The following RALGAPB variants were observed in gnomAD, a reference collection of about 807,000 sequenced individuals.
RALGAPB encodes Ral GTPase activating protein non-catalytic subunit beta, also known as ral GTPase-activating protein subunit beta.
A neutral mutation model predicts 161.1 loss-of-function variants in RALGAPB; 25 were observed. The ratio of observed to expected loss-of-function variants is 0.16; its 90% CI spans 0.11 to 0.22. The LOEUF (loss-of-function observed/expected upper bound fraction) is 0.22, where lower values mean the gene tolerates loss of function less well. Among genes scored for constraint, RALGAPB ranks in the 10% least tolerant of loss-of-function variants. The pLI is 1.00. For synonymous variants in RALGAPB, 629 were observed against 626.1 expected, an observed-to-expected ratio of 1.00 and a Z score of -0.07; for missense variants, 1,391 against 1,815.2, an observed-to-expected ratio of 0.77 and a Z score of 4.25.
chr20:38,510,110 A>G (rs1301308892), intron 6 of RALGAPB, among the ~76,000 whole-genome samples: 1 of 144,688 alleles, frequency 6.9e-6, no homozygotes, highest in Non-Finnish European at 1.5e-5. Flanking sequence ...CTTTATATGT[A>G]TATAAACACA....
At chr20:38,492,590 A>C in intron 2 of RALGAPB, among the ~76,000 whole-genome samples, 1 of 152,182 alleles carries the variant, frequency 6.6e-6, no homozygotes, top group Non-Finnish European at 1.5e-5. Flanking sequence ...AAAACTCTAA[A>C]ATGTTCTATT....
At chr20:38,562,863 G>T (rs766377210) in intron 24 of RALGAPB, among the ~76,000 whole-genome samples, 166 bp downstream of exon 24, 9 of 152,146 alleles carry the variant, frequency 5.9e-5, no homozygotes, top group Non-Finnish European at 1.0e-4. Flanking sequence ...ATCGACTGAG[G>T]CTAGGAGTTC....
At chr20:38,499,375 C>T in intron 4 of RALGAPB, 72 bp from the exon 5 acceptor site, 1 of 1,327,834 alleles carries the variant, frequency 7.5e-7, no homozygotes, top group African/African-American at 1.5e-5. Context: ...ACCAGTTCTC[C>T]CAAATCAGTG....
At chr20:38,534,046 G>C (rs2086732177) in intron 15 of RALGAPB, among the ~76,000 whole-genome samples, 2 of 151,124 alleles carry the variant, frequency 1.3e-5, no homozygotes, top group South Asian at 2.1e-4. Flanking sequence ...GGCCAAGGTA[G>C]GAGACTCTCT....
intron 10 of RALGAPB, 111 bp from the exon 11 acceptor site, chr20:38,524,667 G>A (rs2086404255): frequency 3.8e-6 from 3 of 792,502 alleles, no homozygotes; most frequent in African/African-American, 1.7e-5. Context: ...TTCTTTAAAG[G>A]GTAAAAATAG....
chr20:38,511,898 C>A (rs933265128), intron 6 of RALGAPB, among the ~76,000 whole-genome samples: 2 of 151,918 alleles, frequency 1.3e-5, no homozygotes, highest in Non-Finnish European at 2.9e-5. Context: ...ACTTCCCAGA[C>A]GGGGCGGCCG....
intron 22 of RALGAPB, among the ~76,000 whole-genome samples, chr20:38,557,104 C>T (rs933344141): frequency 3.9e-5 from 6 of 152,120 alleles, no homozygotes; most frequent in African/African-American, 1.4e-4. Flanking sequence ...GAAAGATATA[C>T]TATGGTTAGC....
chr20:38,558,115 A>G (rs1476205876), intron 22 of RALGAPB, among the ~76,000 whole-genome samples, 180 bp from the exon 23 acceptor site: 2 of 152,252 alleles, frequency 1.3e-5, no homozygotes, highest in Non-Finnish European at 2.9e-5. Context: ...GAGGCAAATA[A>G]AAGAACTAAA....
chr20:38,525,033 TC>T, intron 11 of RALGAPB, 88 bp downstream of exon 11: 1 of 1,298,650 alleles, frequency 7.7e-7, no homozygotes, highest in Non-Finnish European at 1.1e-6. Context: ...ATGTATCCTG[TC>T]CAGTTGTCTT....
At chr20:38,519,662 C>T (rs967078002) in intron 9 of RALGAPB, among the ~76,000 whole-genome samples, 1 of 152,116 alleles carries the variant, frequency 6.6e-6, no homozygotes, top group Non-Finnish European at 1.5e-5. Context: ...ATAGAAGCTC[C>T]TTTTCTCCTC....
In RALGAPB at chr20:38,576,716, GGAA is replaced by G. The variant is rs1704665255; in HGVS notation, c.*1755_*1757del. ...CCTAAAAATGTTCTAGTAGTTCACA[GGAA>G]GAAGATGAGGTTTAATAACTTTCAA... On this transcript the variant is annotated 3_prime_UTR_variant, in exon 30 of 30. Transcript: ENST00000262879. The G allele has an allele frequency of 6.6e-6, 1 of 152,592 alleles. No individual in the cohort carries two copies. The highest frequency in any genetic ancestry group is 1.5e-5 in the Non-Finnish European group (1 of 68,034). 9.5% of individuals were successfully genotyped at this position (152,592 alleles called of 1,614,324 possible).
chr20:38,559,430 C>CA (rs2087709764), intron 23 of RALGAPB, among the ~76,000 whole-genome samples: 3 of 152,238 alleles, frequency 2.0e-5, no homozygotes, highest in African/African-American at 7.2e-5. Flanking sequence ...TGTGGTGGCT[C>CA]ACGCCTGTAA....
chr20:38,539,635 C>T (rs1208220275), intron 16 of RALGAPB, 141 bp from the exon 17 acceptor site: 2 of 668,234 alleles, frequency 3.0e-6, no homozygotes, highest in South Asian at 2.4e-5. Flanking sequence ...TAATCTGTTC[C>T]TGTATATAAA....
Position 38,492,985 on chromosome 20 carries a change from A to G in RALGAPB, c.242A>G (p.Glu81Gly). ...CYGLTLPLDG[E>G]TVKYCVDVYT... Reference sequence around the variant, plus strand: ...GGACTGACCCTTCCATTGGATGGAGAGACTGTAAAATATTGCGTTGATGTA... The same window carrying G: ...GGACTGACCCTTCCATTGGATGGAGGGACTGTAAAATATTGCGTTGATGTA... The change falls in exon 3 of 30, where the codon GAG (glutamate) becomes GGG (glycine). Residue 81 changes from glutamate to glycine, a missense_variant. Physicochemically the swap from Glu to Gly is moderately conservative, Grantham distance 98. Transcript: ENST00000262879. 6.2e-7 allele frequency: 1 copy of G among 1,612,946 alleles called. No individual in the cohort carries two copies. The highest frequency in any genetic ancestry group is 8.5e-7 in the Non-Finnish European group (1 of 1,179,084).
rs192407960 is a variant in RALGAPB, at chr20:38,527,535, T to C, written c.2050+1493T>C. Among the ~76,000 whole-genome samples, 261 of 152,330 alleles carry C rather than the reference T, an allele frequency of 1.7e-3. 1 individual carries two copies. Among genetic ancestry groups the C allele is most frequent in the Non-Finnish European group, 2.9e-3 (200 of 68,032 alleles). On this transcript the variant is annotated intron_variant, in intron 13 of 29. Coordinates refer to ENST00000262879, the MANE Select transcript of RALGAPB (RefSeq NM_020336.4). ...TCTTTACATTCTCAGTTATGATGTA[T>C]AGCTATATTCTTGTTCAGGCTGGGC...
intron 1 of RALGAPB, among the ~76,000 whole-genome samples, chr20:38,479,488 A>C (rs906995161): frequency 2.6e-5 from 4 of 152,208 alleles, no homozygotes; most frequent in Non-Finnish European, 5.9e-5. Context: ...ATTTAGACCA[A>C]ACTTGCATGT....
At chr20:38,568,052 G>A (rs1417014927) in intron 26 of RALGAPB, among the ~76,000 whole-genome samples, 1 of 152,142 alleles carries the variant, frequency 6.6e-6, no homozygotes, top group African/African-American at 2.4e-5. Context: ...AGCAATGCAA[G>A]ATTTTAGCCA....
At chr20:38,536,859 T>G (rs1194907504) in intron 16 of RALGAPB, among the ~76,000 whole-genome samples, 1 of 152,218 alleles carries the variant, frequency 6.6e-6, no homozygotes, top group Non-Finnish European at 1.5e-5. Context: ...TTACCACCAC[T>G]TAGAGCTTAC....
intron 1 of RALGAPB, among the ~76,000 whole-genome samples, chr20:38,483,927 A>G (rs560668432): frequency 1.3e-5 from 2 of 152,296 alleles, no homozygotes; most frequent in Middle Eastern, 6.8e-3. Flanking sequence ...GCAGTGGCTC[A>G]TGCCTGTAAT....
Sources: allele counts gnomAD v4.1 joint callset (sites outside exome capture counted in the v4.1 genomes callset), GRCh38; gene constraint gnomAD v4.1.1; transcripts MANE v1.5; gene names NCBI Gene and HGNC (gene_info 2026-07-23, HGNC 2026-07-21).